SEMA6D: variants seen among roughly 807,000 people sequenced by gnomAD.
SEMA6D encodes semaphorin 6D.
A neutral mutation model predicts 106.6 loss-of-function variants in SEMA6D; 35 were observed. The ratio of observed to expected loss-of-function variants is 0.33; its 90% CI spans 0.25 to 0.44. The LOEUF (loss-of-function observed/expected upper bound fraction) is 0.44, where lower values mean the gene tolerates loss of function less well. SEMA6D is among the 20% of genes least tolerant of loss of function. The probability of loss-of-function intolerance (pLI) is 1.00; values close to 1 mark genes in which losing one functional copy is unlikely to be tolerated. For missense variants in SEMA6D, 1,185 were observed against 1,345.9 expected, an observed-to-expected ratio of 0.88 and a Z score of 1.87; for synonymous variants, 499 against 487.7, an observed-to-expected ratio of 1.02 and a Z score of -0.31.
intron 2 of SEMA6D, among the ~76,000 whole-genome samples, chr15:47,415,250 T>A (rs1469152547): frequency 1.3e-5 from 2 of 152,172 alleles, no homozygotes; most frequent in Non-Finnish European, 2.9e-5. Context: ...TTCCCTGAAT[T>A]GTGTGTGTAT....
At chr15:47,213,346 A>G (rs2030230148) in intron 1 of SEMA6D, among the ~76,000 whole-genome samples, 1 of 152,190 alleles carries the variant, frequency 6.6e-6, no homozygotes, top group Non-Finnish European at 1.5e-5. Context: ...TATTCATTTT[A>G]ATTAATCATA....
At chr15:47,636,588 T>G (rs1164999411) in intron 4 of SEMA6D, among the ~76,000 whole-genome samples, 1 of 152,130 alleles carries the variant, frequency 6.6e-6, no homozygotes, top group Non-Finnish European at 1.5e-5. Context: ...ACCCTAGACA[T>G]TATCTTCTAG....
At chr15:47,705,344 A>C (rs2078893398) in intron 4 of SEMA6D, among the ~76,000 whole-genome samples, 1 of 152,166 alleles carries the variant, frequency 6.6e-6, no homozygotes, top group Non-Finnish European at 1.5e-5. Context: ...ACTTTATAAA[A>C]CTTACACGAT....
chr15:47,422,171 C>CCTGCCTGCCTGCCTGCCTGCCT (rs1320575462), intron 2 of SEMA6D, among the ~76,000 whole-genome samples: 6 of 124,170 alleles, frequency 4.8e-5, no homozygotes, highest in African/African-American at 1.7e-4. Flanking sequence ...TTTGCCCGCC[C>CCTGCCTGCCTGCCTGCCTGCCT]GCCTGCCTGC....
At chr15:47,548,016 C>T (rs2045575384) in intron 3 of SEMA6D, among the ~76,000 whole-genome samples, 1 of 152,092 alleles carries the variant, frequency 6.6e-6, no homozygotes, top group African/African-American at 2.4e-5. Context: ...CACATTATCC[C>T]CCTTGATCCA....
At chr15:47,450,833 G>A (rs1000057723) in intron 2 of SEMA6D, among the ~76,000 whole-genome samples, 5 of 151,894 alleles carry the variant, frequency 3.3e-5, no homozygotes, top group Non-Finnish European at 7.4e-5. Flanking sequence ...TTGTTACTGG[G>A]GAAAAACAGG....
chr15:47,348,622 C>G (rs941673396), intron 1 of SEMA6D, among the ~76,000 whole-genome samples: 1 of 148,122 alleles, frequency 6.8e-6, no homozygotes, highest in Non-Finnish European at 1.5e-5. Flanking sequence ...AACTGTGAAG[C>G]CAGTACATAT....
intron 1 of SEMA6D, among the ~76,000 whole-genome samples, chr15:47,745,688 A>T (rs2081088340): frequency 6.6e-6 from 1 of 152,230 alleles, no homozygotes; most frequent in African/African-American, 2.4e-5. Context: ...GCACAGGTGC[A>T]CTGACTCAGG....
intron 4 of SEMA6D, among the ~76,000 whole-genome samples, chr15:47,644,323 G>A (rs1278081000): frequency 1.3e-5 from 2 of 152,204 alleles, no homozygotes; most frequent in African/African-American, 4.8e-5. Flanking sequence ...GGCATTCAAA[G>A]TCATTGTGTC....
At chr15:47,681,589 C>A (rs916791289) in intron 4 of SEMA6D, among the ~76,000 whole-genome samples, 2 of 152,200 alleles carry the variant, frequency 1.3e-5, no homozygotes, top group African/African-American at 4.8e-5. Context: ...GAGGATAGAT[C>A]TCATGTGCTA....
chr15:47,603,705 C>G (rs1435757), intron 4 of SEMA6D, among the ~76,000 whole-genome samples: 2 of 150,596 alleles, frequency 1.3e-5, no homozygotes, highest in Non-Finnish European at 2.9e-5. Flanking sequence ...AATTATTATT[C>G]TTATTAAGTC....
intron 1 of SEMA6D, among the ~76,000 whole-genome samples, chr15:47,196,139 C>T (rs1039470133): frequency 3.9e-5 from 6 of 152,002 alleles, no homozygotes; most frequent in Non-Finnish European, 8.8e-5. Flanking sequence ...AAGTAACTGG[C>T]ATCTGAGGAG....
intron 1 of SEMA6D, among the ~76,000 whole-genome samples, chr15:47,404,538 T>G (rs1437453264): frequency 6.6e-6 from 1 of 152,146 alleles, no homozygotes; most frequent in African/African-American, 2.4e-5. Flanking sequence ...CTAAGACCTT[T>G]AATGCTGTGA....
chr15:47,689,826 G>A (rs2078547042), intron 4 of SEMA6D, among the ~76,000 whole-genome samples: 1 of 152,216 alleles, frequency 6.6e-6, no homozygotes, highest in South Asian at 2.1e-4. Context: ...TGACTTCCAT[G>A]ACAGTCTGAT....
At chr15:47,420,026 T>C (rs2041101560) in intron 2 of SEMA6D, among the ~76,000 whole-genome samples, 2 of 152,054 alleles carry the variant, frequency 1.3e-5, no homozygotes, top group South Asian at 4.2e-4. Context: ...GACGGACCTT[T>C]CCAAGAACAT....
At chr15:47,715,650 G>A (rs1037502570), upstream of SEMA6D, among the ~76,000 whole-genome samples, 1 of 152,276 alleles carries the variant, frequency 6.6e-6, no homozygotes, top group Non-Finnish European at 1.5e-5. Context: ...ATATCCTTCT[G>A]CAATCTAAAA....
chr15:47,592,221 A>G (rs1168436919), intron 3 of SEMA6D, among the ~76,000 whole-genome samples: 1 of 152,220 alleles, frequency 6.6e-6, no homozygotes, highest in Non-Finnish European at 1.5e-5. Context: ...TTCGTAGGCC[A>G]CAAGAGAAGG....
chr15:47,772,100 G>A lies in SEMA6D; in HGVS notation c.*315G>A, dbSNP rs2082653548. The A allele has an allele frequency of 3.5e-6, 1 of 284,500 alleles. No homozygotes were observed. Among genetic ancestry groups the A allele is most frequent in the African/African-American group, 2.1e-5 (1 of 46,732 alleles). 17.6% of individuals were successfully genotyped at this position (284,500 alleles called of 1,614,324 possible). On this transcript the variant is annotated 3_prime_UTR_variant, in exon 19 of 19. Transcript: ENST00000536845. ...GATAACAGTACTCAGAAGAATCTGT[G>A]AACAAATACTTGAAAATGGGTTCAA...
intron 4 of SEMA6D, among the ~76,000 whole-genome samples, chr15:47,632,528 T>G (rs2144540276): frequency 6.6e-6 from 1 of 152,192 alleles, no homozygotes; most frequent in South Asian, 2.1e-4. Flanking sequence ...TAATCTCTCT[T>G]TGTCTCTAGT....
Sources: allele counts gnomAD v4.1 joint callset (sites outside exome capture counted in the v4.1 genomes callset), GRCh38; gene constraint gnomAD v4.1.1; transcripts MANE v1.5; gene names NCBI Gene and HGNC (gene_info 2026-07-23, HGNC 2026-07-21).